Variants in TRMU observed in about 807,000 individuals in gnomAD.
TRMU encodes the protein mitochondrial tRNA-specific 2-thiouridylase 1.
A neutral mutation model predicts 46.9 loss-of-function variants in TRMU; 49 were observed. The ratio of observed to expected loss-of-function variants is 1.05; its 90% CI spans 0.83 to 1.33. TRMU has a LOEUF of 1.33. TRMU is among the 40% of genes most tolerant of loss of function. TRMU has a pLI of 0.00. For synonymous variants in TRMU, 241 were observed against 200.9 expected (o/e 1.20, Z -1.69); for missense variants, 572 against 532.4 (o/e 1.07, Z -0.73).
Position 46,349,659 on chromosome 22 carries a change from T to C in TRMU, c.479-632T>C, listed in dbSNP as rs1219920415. Among the ~76,000 whole-genome samples the C allele has an allele frequency of 6.6e-6, 1 of 152,236 alleles. No homozygotes were observed. The highest frequency in any genetic ancestry group is 2.4e-5 in the African/African-American group (1 of 41,458). On this transcript the variant is annotated intron_variant, in intron 4 of 10. Transcript: ENST00000645190. The surrounding 1 kb of genome is among the most constrained non-coding windows in gnomAD (Gnocchi z 4.6). ...TTACTCACACCTCTGCTCCGTTGCC[T>C]TAAAGCCAGAAATGGTTCTTTACAA...
Position 46,355,553 on chromosome 22 carries a change from A to C in TRMU, c.983A>C (p.Glu328Ala). Reference protein sequence around the residue: ...PAALVRDKMMECHFRFRHQMA... With the variant: ...PAALVRDKMMACHFRFRHQMA... ...GCACTGGTCCGGGACAAGATGATGG[A>C]GTGCCACTTCCGATTCCGCCACCAG... is the stretch of plus-strand genomic sequence containing the variant. Residue 328 changes from glutamate (E) to alanine (A), a missense_variant, in exon 9 of 11, where the codon GAG (glutamate) becomes GCG (alanine). Physicochemically the swap from Glu to Ala is moderately radical, Grantham distance 107. Transcript: ENST00000645190. The C allele has an allele frequency of 1.2e-6, 2 of 1,613,326 alleles. No individual in the cohort carries two copies. The highest frequency in any genetic ancestry group is 1.3e-5 in the African/African-American group (1 of 75,060).
In TRMU at chr22:46,339,507, CA is replaced by C. The variant is rs2078065861; in HGVS notation, c.248+1566del. On this transcript the variant is annotated intron_variant, in intron 2 of 10. Transcript: ENST00000645190. This position sits in a 1 kb window ranked among gnomAD's most constrained non-coding sequence, Gnocchi z 4.8. ...TCTGGGGAGCTAAGCTATGAGGACG[CA>C]AAGGCATAAAAATGATATAATGGAC... Among the ~76,000 whole-genome samples the C allele has an allele frequency of 6.6e-6, 1 of 152,068 alleles. No homozygotes were observed. Among genetic ancestry groups the C allele is most frequent in the Non-Finnish European group, 1.5e-5 (1 of 68,014 alleles).
chr22:46,353,975 G>A, intron 8 of TRMU, 108 bp downstream of exon 8: 1 of 982,074 alleles, frequency 1.0e-6, no homozygotes, highest in Non-Finnish European at 1.6e-6. Context: ...CTTCCTGGAG[G>A]CTGTGACTAA....
chr22:46,352,999 T>A (rs1398975823), intron 7 of TRMU: 1 of 166,166 alleles, frequency 6.0e-6, no homozygotes, highest in African/African-American at 2.4e-5. Flanking sequence ...AGAGCCAGGC[T>A]GCAGCTCAGG....
In TRMU at chr22:46,342,965, G is replaced by C. The variant is rs961906756; in HGVS notation, c.249-297G>C. ...CTGCTGTGTTGGAGGAGTCCCAGAG[G>C]CAGGGTTTTAGTGAGACCCTCACGG... On this transcript the variant is annotated intron_variant, in intron 2 of 10. Transcript: ENST00000645190. This position sits in a 1 kb window ranked among gnomAD's most constrained non-coding sequence, Gnocchi z 4.7. Among the ~76,000 whole-genome samples the C allele has an allele frequency of 2.0e-5, 3 of 152,206 alleles. No homozygotes were observed. Among genetic ancestry groups the C allele is most frequent in the African/African-American group, 7.2e-5 (3 of 41,436 alleles).
chr22:46,355,545 G>A lies in TRMU; in HGVS notation c.975G>A (p.Lys325=). 3 of 1,613,340 alleles carry A rather than the reference G, an allele frequency of 1.9e-6. No homozygotes were observed. The highest frequency in any genetic ancestry group is 2.5e-6 in the Non-Finnish European group (3 of 1,180,038). The change falls in exon 9 of 11, where the codon AAG becomes AAA. Residue 325 remains lysine (K), a synonymous_variant. Coordinates refer to ENST00000645190, the MANE Select transcript of TRMU (RefSeq NM_018006.5). ...EEPPAALVRD[K]MMECHFRFRH... Reference sequence around the variant, plus strand: ...CTCCCGCAGCACTGGTCCGGGACAAGATGATGGAGTGCCACTTCCGATTCC... The same window carrying A: ...CTCCCGCAGCACTGGTCCGGGACAAAATGATGGAGTGCCACTTCCGATTCC...
At position 46,351,917 on chromosome 22, in the gene TRMU, C is replaced by T; in HGVS notation, c.652-204C>T. The T allele has an allele frequency of 1.4e-6, 1 of 713,726 alleles. No individual in the cohort carries two copies. Among genetic ancestry groups the T allele is most frequent in the South Asian group, 1.5e-5 (1 of 66,138 alleles). 44.2% of individuals were successfully genotyped at this position (713,726 alleles called of 1,614,324 possible). A position where few individuals can be genotyped will look rare whatever the true frequency, so the allele number is the denominator to read the frequency against. ...CAGGGTCAGACCCCGCGGGCCGAGA[C>T]AATGAGGCGTTCTCTAAGGCTCTGG... On this transcript the variant is annotated intron_variant, in intron 5 of 10. Transcript: ENST00000645190. The surrounding 1 kb of genome is among the most constrained non-coding windows in gnomAD (Gnocchi z 6.4).
chr22:46,356,114 C>T (rs1322877527), intron 10 of TRMU, 42 bp downstream of exon 10: 1 of 1,608,654 alleles, frequency 6.2e-7, no homozygotes, highest in East Asian at 2.2e-5. Flanking sequence ...GACTGTACTG[C>T]TCTGCACCCT....
Position 46,336,063 on chromosome 22 carries a change from G to T in TRMU, c.82+217G>T. 7.2e-7 allele frequency: 1 copy of T among 1,398,050 alleles called. No homozygotes were observed. Among genetic ancestry groups the T allele is most frequent in the Non-Finnish European group, 9.3e-7 (1 of 1,080,436 alleles). 86.6% of individuals were successfully genotyped at this position (1,398,050 alleles called of 1,614,324 possible). A position where few individuals can be genotyped will look rare whatever the true frequency, so the allele number is the denominator to read the frequency against. On this transcript the variant is annotated intron_variant, in intron 1 of 10. Transcript: ENST00000645190. The surrounding 1 kb of genome is among the most constrained non-coding windows in gnomAD (Gnocchi z 4.1). Reference sequence around the variant, plus strand: ...GCGCGACTGCAGCTCCGACTACCTGGGAGCAGTTCCGCGCCCCTCTCCACC... The same window carrying T: ...GCGCGACTGCAGCTCCGACTACCTGTGAGCAGTTCCGCGCCCCTCTCCACC...
intron 5 of TRMU, 85 bp from the exon 6 acceptor site, chr22:46,352,031 GGAGGC>G: frequency 6.9e-7 from 1 of 1,451,092 alleles, no homozygotes; most frequent in Admixed American, 1.7e-5. Context: ...GGTGAGGCCG[GGAGGC>G]CCCAGGGCCC....
chr22:46,352,717 T>G (rs1347990590), intron 7 of TRMU: 6 of 355,236 alleles, frequency 1.7e-5, no homozygotes, highest in Non-Finnish European at 3.3e-5. Flanking sequence ...GTGTGAATGA[T>G]TAAGGACCAC....
rs149407719 is a variant in TRMU, at chr22:46,342,856, G to C, written c.249-406G>C. ...ACCTGTAATCACAGCTATTCGGAAGGCTGAGGTGGGAGAATCTGCAAGGGA... is the reference window on the plus strand; with the variant it reads ...ACCTGTAATCACAGCTATTCGGAAGCCTGAGGTGGGAGAATCTGCAAGGGA... On this transcript the variant is annotated intron_variant, in intron 2 of 10. Transcript: ENST00000645190. The surrounding 1 kb of genome is among the most constrained non-coding windows in gnomAD (Gnocchi z 4.7). 6.2e-3 allele frequency among the ~76,000 whole-genome samples: 945 copies of C among 152,388 alleles called. 14 individuals are homozygous for C. The highest frequency in any genetic ancestry group is 0.022 in the African/African-American group (906 of 41,590).
intron 8 of TRMU, 48 bp from the exon 9 acceptor site, chr22:46,355,396 G>A (rs775530227): frequency 6.2e-6 from 10 of 1,603,864 alleles, no homozygotes; most frequent in Non-Finnish European, 8.5e-6. Flanking sequence ...GGCCGGCCTT[G>A]GGGCCAGGTG....
At chr22:46,353,082 C>T (rs184413791) in intron 7 of TRMU, 87 of 161,068 alleles carry the variant, frequency 5.4e-4, no homozygotes, top group African/African-American at 1.8e-3. Context: ...CAGGCGGAGC[C>T]GGGGCTAGGC....
At position 46,338,185 on chromosome 22, in the gene TRMU, T is replaced by C. The variant is rs2078030731; in HGVS notation, c.248+241T>C. On this transcript the variant is annotated intron_variant, in intron 2 of 10. Coordinates refer to ENST00000645190, the MANE Select transcript of TRMU (RefSeq NM_018006.5). This position sits in a 1 kb window ranked among gnomAD's most constrained non-coding sequence, Gnocchi z 4.5. ...CATTTTGCCACTTGCCTGAAGTCTCTTTAATGCTTTCTTGGACCTTGAGCT... is the reference window on the plus strand; with the variant it reads ...CATTTTGCCACTTGCCTGAAGTCTCCTTAATGCTTTCTTGGACCTTGAGCT... The C allele has an allele frequency of 1.9e-6, 1 of 514,098 alleles. No homozygotes were observed. Among genetic ancestry groups the C allele is most frequent in the Admixed American group, 3.1e-5 (1 of 32,178 alleles). 31.8% of individuals were successfully genotyped at this position (514,098 alleles called of 1,614,324 possible).
chr22:46,346,843 T>C (rs888125380), intron 4 of TRMU, among the ~76,000 whole-genome samples: 3 of 152,212 alleles, frequency 2.0e-5, no homozygotes, highest in Non-Finnish European at 2.9e-5. Flanking sequence ...TCCAAAAATA[T>C]CTGGGTAAAT....
chr22:46,348,768 A>G lies in TRMU; in HGVS notation c.479-1523A>G, dbSNP rs1402024929. The stretch of plus-strand genomic sequence containing the variant: ...TAAAATGACGCAGAACTAGGAGAAA[A>G]TGCAAATGGCTCCTAGTTTTCTGAG... On this transcript the variant is annotated intron_variant, in intron 4 of 10. Coordinates refer to ENST00000645190, the MANE Select transcript of TRMU (RefSeq NM_018006.5). This position sits in a 1 kb window ranked among gnomAD's most constrained non-coding sequence, Gnocchi z 4.8. Among the ~76,000 whole-genome samples the G allele has an allele frequency of 6.6e-6, 1 of 152,238 alleles. No homozygotes were observed. The highest frequency in any genetic ancestry group is 6.5e-5 in the Admixed American group (1 of 15,286).
chr22:46,343,462 T>G, intron 3 of TRMU, 94 bp downstream of exon 3: 1 of 930,720 alleles, frequency 1.1e-6, no homozygotes, highest in Non-Finnish European at 1.7e-6. Context: ...CATGACTCAC[T>G]GCAGCCTCGA....
intron 10 of TRMU, 195 bp downstream of exon 10, chr22:46,356,267 C>T: frequency 3.3e-6 from 2 of 614,122 alleles, no homozygotes; most frequent in Non-Finnish European, 5.8e-6. Context: ...GATTTCCACT[C>T]TGGTGTCACC....
Sources: allele counts gnomAD v4.1 joint callset (sites outside exome capture counted in the v4.1 genomes callset), GRCh38; gene constraint gnomAD v4.1.1; non-coding constraint Gnocchi (gnomAD v3.1); transcripts MANE v1.5; gene names NCBI Gene and HGNC (gene_info 2026-07-23, HGNC 2026-07-21).